RFX3: variants seen among roughly 807,000 people sequenced by gnomAD.
RFX3 encodes the protein transcription factor RFX3.
Under a neutral mutation model 98.6 loss-of-function variants are expected in RFX3, and 14 were observed. The ratio of observed to expected loss-of-function variants is 0.14; its 90% CI spans 0.09 to 0.22. The LOEUF (loss-of-function observed/expected upper bound fraction) is 0.22, where lower values mean the gene tolerates loss of function less well. Among genes scored for constraint, RFX3 ranks in the 10% least tolerant of loss-of-function variants. RFX3 has a pLI of 1.00. For missense variants in RFX3, 639 were observed against 926.9 expected (o/e 0.69, Z 4.03); for synonymous variants, 383 against 328.4 (o/e 1.17, Z -1.80).
In RFX3 at chr9:3,467,047, TGTATATAC is replaced by T. The variant is rs1455746494; in HGVS notation, c.-9+58692_-9+58699del. On this transcript the variant is annotated intron_variant, in intron 1 of 16. Coordinates refer to ENST00000617270, the MANE Select transcript of RFX3 (RefSeq NM_001282116.2). ...AAAGAATTATATATATATATATATA[TGTATATAC>T]ATACATATATATAAGTATATATGTA... Among the ~76,000 whole-genome samples the T allele has an allele frequency of 2.1e-5, 3 of 143,394 alleles. No individual in the cohort carries two copies. In the East Asian group the frequency reaches 5.9e-4, roughly 28 times the overall value. The allele number at this position is 143,394 out of a possible 152,430, so 94.1% of individuals were successfully genotyped here.
intron 14 of RFX3, among the ~76,000 whole-genome samples, chr9:3,249,122 A>C (rs1821056306): frequency 6.6e-6 from 1 of 152,138 alleles, no homozygotes; most frequent in South Asian, 2.1e-4. Context: ...CACTAAAACA[A>C]CCATTGTATT....
At chr9:3,422,770 C>A (rs565522484) in intron 1 of RFX3, among the ~76,000 whole-genome samples, 51 of 152,110 alleles carry the variant, frequency 3.4e-4, no homozygotes, top group South Asian at 1.5e-3. Context: ...TGTAAGATAT[C>A]TGCTATATAT....
At chr9:3,424,438 T>C (rs1206823949) in intron 1 of RFX3, among the ~76,000 whole-genome samples, 3 of 128,978 alleles carry the variant, frequency 2.3e-5, no homozygotes, top group Admixed American at 9.2e-5. Context: ...CTCGACTCAC[T>C]GCAAGCTCCG....
At chr9:3,301,697 T>C in intron 4 of RFX3, 77 bp from the exon 5 acceptor site, 4 of 1,036,132 alleles carry the variant, frequency 3.9e-6, no homozygotes, top group Non-Finnish European at 5.8e-6. Context: ...TTCTGATAGA[T>C]TCTTTAAAGT....
In RFX3 at chr9:3,380,708, G is replaced by C. The variant is rs187689810; in HGVS notation, c.117+14764C>G. ...AACCACATTAAATGAATGCTAACTT[G>C]AAGTATTACCAACCAAAATGAAGAT... On this transcript the variant is annotated intron_variant, in intron 2 of 16. Coordinates refer to ENST00000617270, the MANE Select transcript of RFX3 (RefSeq NM_001282116.2). 1.4e-3 allele frequency among the ~76,000 whole-genome samples: 208 copies of C among 152,256 alleles called. 1 individual carries two copies. Among genetic ancestry groups the C allele is most frequent in the Non-Finnish European group, 2.0e-3 (139 of 68,016 alleles).
At chr9:3,279,461 A>G (rs549831554) in intron 7 of RFX3, among the ~76,000 whole-genome samples, 196 of 151,942 alleles carry the variant, frequency 1.3e-3, no homozygotes, top group Non-Finnish European at 2.2e-3. Context: ...ATAGACTTCA[A>G]TTACATTAAT....
Position 3,277,374 on chromosome 9 carries a change from T to C in RFX3, c.939A>G (p.Val313=), listed in dbSNP as rs983508404. 3 of 1,612,816 alleles carry C rather than the reference T, an allele frequency of 1.9e-6. No homozygotes were observed. Among genetic ancestry groups the C allele is most frequent in the Non-Finnish European group, 2.5e-6 (3 of 1,179,044 alleles). The change falls in exon 8 of 17, where the codon GTA becomes GTG. Residue 313 remains valine (V), a synonymous_variant. Coordinates refer to ENST00000617270, the MANE Select transcript of RFX3 (RefSeq NM_001282116.2). ...QQTGTSVEQT[V]IAQSQHHQQF... ...GTTGATGATGTTGGCTTTGGGCAAT[T>C]ACAGTTTGCTCAACAGATGTGCCTG... is the stretch of plus-strand genomic sequence containing the variant.
rs116342870 is a variant in RFX3, at chr9:3,420,954, C to G, written c.-8-25358G>C. ...CATCTGTAAAGTTCTGTGGCTACAA[C>G]AGAAACTAGCCTAAGGAGTAATGAA... On this transcript the variant is annotated intron_variant, in intron 1 of 16. Coordinates refer to ENST00000617270, the MANE Select transcript of RFX3 (RefSeq NM_001282116.2). 9,190 of 975,084 alleles carry G rather than the reference C, an allele frequency of 9.4e-3. 675 individuals are homozygous for G. The African/African-American group carries it at 0.16, about 17-fold the overall frequency. 60.4% of individuals were successfully genotyped at this position (975,084 alleles called of 1,614,324 possible).
chr9:3,284,457 A>T (rs1428277468), intron 7 of RFX3, among the ~76,000 whole-genome samples: 2 of 151,696 alleles, frequency 1.3e-5, no homozygotes, highest in Non-Finnish European at 3.0e-5. Context: ...TTTTCATATG[A>T]AGTATTTTCA....
At chr9:3,250,783 T>C (rs1036992860) in intron 14 of RFX3, among the ~76,000 whole-genome samples, 5 of 151,996 alleles carry the variant, frequency 3.3e-5, no homozygotes, top group African/African-American at 1.2e-4. Context: ...TAGACATAAG[T>C]AGTAACATAC....
intron 6 of RFX3, 108 bp downstream of exon 6, chr9:3,292,969 T>C (rs1827579352): frequency 3.6e-6 from 3 of 838,952 alleles, no homozygotes; most frequent in Non-Finnish European, 1.8e-6. Context: ...ATTCTATGTA[T>C]TTCCTTATAT....
At chr9:3,301,896 G>A (rs1033655915) in intron 4 of RFX3, among the ~76,000 whole-genome samples, 3 of 151,760 alleles carry the variant, frequency 2.0e-5, no homozygotes, top group Admixed American at 6.6e-5. Context: ...GGACCCTGGT[G>A]GATTTTTCTT....
In RFX3 at chr9:3,290,404, A is replaced by T. The variant is rs185640315; in HGVS notation, c.732-2154T>A. 5.0e-3 allele frequency among the ~76,000 whole-genome samples: 766 copies of T among 152,248 alleles called. 2 individuals are homozygous for T. Among genetic ancestry groups the T allele is most frequent in the Admixed American group, 7.9e-3 (121 of 15,288 alleles). On this transcript the variant is annotated intron_variant, in intron 6 of 16. Transcript: ENST00000617270. ...TTTCAACGTTTGAATGGAGCCTCAAAATAGGACCCATTGAAATTCCTTTCA... is the reference window on the plus strand; with the variant it reads ...TTTCAACGTTTGAATGGAGCCTCAATATAGGACCCATTGAAATTCCTTTCA...
chr9:3,321,017 C>A (rs1359362231), intron 4 of RFX3, among the ~76,000 whole-genome samples: 1 of 151,748 alleles, frequency 6.6e-6, no homozygotes, highest in Non-Finnish European at 1.5e-5. Flanking sequence ...ATTCTCCTGC[C>A]TCAGCCTCCC....
intron 1 of RFX3, among the ~76,000 whole-genome samples, chr9:3,505,363 AAATATAAAATATTTTATATTTATAT>A: frequency 1.2e-5 from 1 of 81,974 alleles, no homozygotes; most frequent in Non-Finnish European, 2.1e-5. Flanking sequence ...ATATTTATAT[AAATATAAAATATTTTATATTTATAT>A]AATATAAAAT....
intron 16 of RFX3, among the ~76,000 whole-genome samples, chr9:3,227,682 T>C (rs1450221938): frequency 1.3e-5 from 2 of 152,214 alleles, no homozygotes; most frequent in Admixed American, 6.5e-5. Flanking sequence ...GAGTATATCA[T>C]CAGTGTTGCT....
intron 15 of RFX3, chr9:3,247,576 T>G: frequency 8.2e-7 from 1 of 1,219,418 alleles, no homozygotes; most frequent in South Asian, 1.9e-5. Flanking sequence ...GTCCAAAAAA[T>G]GTTAGTTATC....
intron 3 of RFX3, among the ~76,000 whole-genome samples, chr9:3,340,897 T>C (rs12346578): frequency 0.051 from 7,801 of 152,252 alleles, 387 homozygotes; most frequent in African/African-American, 0.14. Context: ...AGCCATCCCA[T>C]TACTGGGTAC....
At chr9:3,247,750 C>T (rs1004805259) in intron 15 of RFX3, 13 of 1,557,144 alleles carry the variant, frequency 8.3e-6, no homozygotes, top group African/African-American at 1.4e-5. Context: ...TTTCATATTC[C>T]AGTGGTTCTC....
Sources: gnomAD v4.1 joint callset for allele counts (sites outside exome capture counted in the v4.1 genomes callset) on GRCh38, gnomAD v4.1.1 for gene constraint, MANE v1.5 for transcripts, NCBI Gene and HGNC (gene_info 2026-07-23, HGNC 2026-07-21) for gene names.